Variants in CABP1 observed in about 807,000 individuals in gnomAD.
CABP1 encodes calcium-binding protein 1.
In CABP1, 17 loss-of-function variants were observed where a neutral mutation model predicts 34.3. The ratio of observed to expected loss-of-function variants is 0.50; its 90% CI spans 0.34 to 0.74. The LOEUF (loss-of-function observed/expected upper bound fraction) is 0.74. CABP1 is among the 30% of genes least tolerant of loss of function. CABP1 has a pLI of 0.01. For missense variants in CABP1, 373 were observed against 511.1 expected, an observed-to-expected ratio of 0.73 and a Z score of 2.61; for synonymous variants, 198 against 229.2, an observed-to-expected ratio of 0.86 and a Z score of 1.23.
At chr12:120,653,308 G>A (rs1387683794) in intron 1 of CABP1, among the ~76,000 whole-genome samples, 2 of 152,114 alleles carry the variant, frequency 1.3e-5, no homozygotes, top group Non-Finnish European at 2.9e-5. Flanking sequence ...CCACCATGCA[G>A]AGCACTTTAT....
the CABP1 span, among the ~76,000 whole-genome samples, chr12:120,677,298 G>A: frequency 2.0e-4 from 30 of 151,772 alleles, no homozygotes; most frequent in African/African-American, 7.2e-4. Context: ...ATGTTGACCA[G>A]GCTGGTCTTG....
Position 120,660,545 on chromosome 12 carries a change from G to C in CABP1, c.830-186G>C, listed in dbSNP as rs969083535. Among the ~76,000 whole-genome samples the C allele has an allele frequency of 2.0e-5, 3 of 152,156 alleles. No homozygotes were observed. The highest frequency in any genetic ancestry group is 1.3e-4 in the Admixed American group (2 of 15,280). On this transcript the variant is annotated intron_variant, in intron 3 of 5. Coordinates refer to ENST00000316803, the MANE Select transcript of CABP1 (RefSeq NM_001033677.2). This position sits in a 1 kb window ranked among gnomAD's most constrained non-coding sequence, Gnocchi z 5.0. ...GAGTGGAGCCCAGAAAGTAGATTAG[G>C]GAATATCTGTAAAACAGCCCAATAA... is the stretch of plus-strand genomic sequence containing the variant.
rs1881039494 is a variant in CABP1 at position 120,667,028 on chromosome 12, C to G, written c.*128C>G. On this transcript the variant is annotated 3_prime_UTR_variant, in exon 6 of 6. Coordinates refer to ENST00000316803, the MANE Select transcript of CABP1 (RefSeq NM_001033677.2). ...TGGCGGATGGGGCCTGCCTGCACCC[C>G]GGGGAGGCGCCCACCCCGGACCCCC... 4 of 1,163,002 alleles carry G rather than the reference C, an allele frequency of 3.4e-6. No homozygotes were observed. The highest frequency in any genetic ancestry group is 4.1e-5 in the Admixed American group (2 of 48,928). The allele number at this position is 1,163,002 out of a possible 1,614,324, so 72.0% of individuals were successfully genotyped here.
In CABP1 at chr12:120,667,107, G is replaced by T; in HGVS notation, c.*207G>T. 1.7e-6 allele frequency: 1 copy of T among 598,456 alleles called. No individual in the cohort carries two copies. The highest frequency in any genetic ancestry group is 2.9e-6 in the Non-Finnish European group (1 of 350,174). 37.1% of individuals were successfully genotyped at this position (598,456 alleles called of 1,614,324 possible). On this transcript the variant is annotated 3_prime_UTR_variant, in exon 6 of 6. Transcript: ENST00000316803. Reference sequence around the variant, plus strand: ...CTGCAACTGGAAAGCGGGGGCGCCCGCCGACGAGGAGGCCACCGTGCCAAG... The same window carrying T: ...CTGCAACTGGAAAGCGGGGGCGCCCTCCGACGAGGAGGCCACCGTGCCAAG...
intron 1 of CABP1, among the ~76,000 whole-genome samples, chr12:120,656,529 C>T (rs889980701): frequency 5.9e-5 from 9 of 152,088 alleles, no homozygotes; most frequent in Admixed American, 1.3e-4. Context: ...AGTGTGTTGG[C>T]GGATTGCCTC....
chr12:120,672,655 G>A, the CABP1 span, among the ~76,000 whole-genome samples: 1 of 149,114 alleles, frequency 6.7e-6, no homozygotes, highest in African/African-American at 2.5e-5. Context: ...AAAAAGTATC[G>A]TGTTTTAAAA....
At chr12:120,659,486 C>CT (rs1282949473) in intron 1 of CABP1, 11 of 174,218 alleles carry the variant, frequency 6.3e-5, no homozygotes, top group East Asian at 1.6e-4. Flanking sequence ...CTGACTCATT[C>CT]TTTTTTTGTT....
At chr12:120,655,819 G>C in intron 1 of CABP1, 7 of 1,241,844 alleles carry the variant, frequency 5.6e-6, no homozygotes, top group Non-Finnish European at 6.5e-6. Context: ...GTATGTGCCA[G>C]TGCGTGCGTG....
chr12:120,668,730 G>A (rs1261419907), downstream of CABP1, among the ~76,000 whole-genome samples: 2 of 152,222 alleles, frequency 1.3e-5, no homozygotes, highest in East Asian at 1.9e-4. Flanking sequence ...ATTGTAATTC[G>A]TTTCTATAAG....
At position 120,660,296 on chromosome 12, in the gene CABP1, C is replaced by G. The variant is rs564070934; in HGVS notation, c.786C>G (p.Thr262=). ...TGCGCACCATGGGCTACATGCCCAC[C>G]GAGATGGAGCTCATCGAACTGTCCC... is the stretch of plus-strand genomic sequence containing the variant. The part of the protein sequence containing the change: ...NCMRTMGYMP[T]EMELIELSQQ... Residue 262 remains threonine, a synonymous_variant, in exon 3 of 6, where the codon ACC becomes ACG. Coordinates refer to ENST00000316803, the MANE Select transcript of CABP1 (RefSeq NM_001033677.2). The surrounding 1 kb of genome is among the most constrained non-coding windows in gnomAD (Gnocchi z 5.0). The G allele has an allele frequency of 6.2e-7, 1 of 1,613,976 alleles. No individual in the cohort carries two copies. The highest frequency in any genetic ancestry group is 2.2e-5 in the East Asian group (1 of 44,886).
Position 120,660,732 on chromosome 12 carries a change from G to A in CABP1, c.831G>A (p.Leu277=), listed in dbSNP as rs202165204. 1 of 1,608,402 alleles carries A rather than the reference G, an allele frequency of 6.2e-7. No individual in the cohort carries two copies. The highest frequency in any genetic ancestry group is 1.3e-5 in the African/African-American group (1 of 74,876). Residue 277 remains leucine, a splice_region_variant and synonymous_variant, in exon 4 of 6, where the codon CTG becomes CTA. Coordinates refer to ENST00000316803, the MANE Select transcript of CABP1 (RefSeq NM_001033677.2). The surrounding 1 kb of genome is among the most constrained non-coding windows in gnomAD (Gnocchi z 5.0). The part of the protein sequence containing the change: ...IELSQQINMN[L]GGHVDFDDFV... ...CCTAGCCCTTTCCTCCTTTTCCAGT[G>A]GGTGGCCATGTAGATTTTGATGACT...
chr12:120,679,699 T>C, the CABP1 span, among the ~76,000 whole-genome samples: 8 of 151,968 alleles, frequency 5.3e-5, 1 homozygote, highest in South Asian at 2.1e-4. Flanking sequence ...TGGTGGCGCA[T>C]GCCTGTAATC....
chr12:120,664,719 CA>C (rs984251449), intron 5 of CABP1, among the ~76,000 whole-genome samples: 8 of 151,332 alleles, frequency 5.3e-5, no homozygotes, highest in African/African-American at 1.5e-4. Context: ...ATTAAAAATA[CA>C]AAAAAAATTA....
In CABP1 at chr12:120,666,973, C is replaced by A; in HGVS notation, c.*73C>A. The A allele has an allele frequency of 6.5e-7, 1 of 1,526,876 alleles. No homozygotes were observed. The highest frequency in any genetic ancestry group is 8.8e-7 in the Non-Finnish European group (1 of 1,133,408). The allele number at this position is 1,526,876 out of a possible 1,614,324, so 94.6% of individuals were successfully genotyped here. Reference sequence around the variant, plus strand: ...AAGAGGAGCTAGAGCTTGCCTCACCCGCTGTAGCCGCCGAGAGCCCAGGAT... The same window carrying A: ...AAGAGGAGCTAGAGCTTGCCTCACCAGCTGTAGCCGCCGAGAGCCCAGGAT... On this transcript the variant is annotated 3_prime_UTR_variant, in exon 6 of 6. Transcript: ENST00000316803.
chr12:120,650,777 T>A, intron 1 of CABP1: 8 of 1,296,426 alleles, frequency 6.2e-6, no homozygotes, highest in Non-Finnish European at 7.8e-6. Flanking sequence ...GGCTGGAGCT[T>A]GCTATCCTTC....
Position 120,661,330 on chromosome 12 carries a change from C to T in CABP1, c.1087+112C>T, listed in dbSNP as rs1003731391. On this transcript the variant is annotated intron_variant, in intron 5 of 5. Transcript: ENST00000316803. The surrounding 1 kb of genome is among the most constrained non-coding windows in gnomAD (Gnocchi z 5.1). ...CAATCCGCCCTAATTTTCCAACCCC[C>T]AGCCCTTTCATCCTCTTATCCCTCC... 3.2e-6 allele frequency: 4 copies of T among 1,259,474 alleles called. No individual in the cohort carries two copies. The highest frequency in any genetic ancestry group is 3.3e-6 in the Non-Finnish European group (3 of 919,030). The allele number at this position is 1,259,474 out of a possible 1,614,324, so 78.0% of individuals were successfully genotyped here.
At chr12:120,656,125 G>C (rs1307266045) in intron 1 of CABP1, 1 of 1,614,058 alleles carries the variant, frequency 6.2e-7, no homozygotes, top group African/African-American at 1.3e-5. Context: ...GCTACATGGT[G>C]GTGCAGACGA....
intron 1 of CABP1, among the ~76,000 whole-genome samples, chr12:120,653,690 C>T (rs1879990069): frequency 6.6e-6 from 1 of 152,174 alleles, no homozygotes; most frequent in Non-Finnish European, 1.5e-5. Flanking sequence ...CCCGCCACCA[C>T]ACGCGGCTAA....
In CABP1 at chr12:120,640,952, C is replaced by T; in HGVS notation, c.267C>T (p.Gly89=). ...GGGGCAGCCGGGCTCCCCGCCACGG[C>T]CCTGCCCGGGACCCGGGGCTGCCTA... ...ASGGSRAPRH[G]PARDPGLPSR... The change falls in exon 1 of 6, where the codon GGC becomes GGT. Residue 89 remains glycine, a synonymous_variant. Transcript: ENST00000316803. The surrounding 1 kb of genome is among the most constrained non-coding windows in gnomAD (Gnocchi z 6.2). 8.8e-7 allele frequency: 1 copy of T among 1,137,690 alleles called. No individual in the cohort carries two copies. Among genetic ancestry groups the T allele is most frequent in the Non-Finnish European group, 1.1e-6 (1 of 928,164 alleles). 70.5% of individuals were successfully genotyped at this position (1,137,690 alleles called of 1,614,324 possible). A position where few individuals can be genotyped will look rare whatever the true frequency, so the allele number is the denominator to read the frequency against.
Sources: allele counts gnomAD v4.1 joint callset (sites outside exome capture counted in the v4.1 genomes callset), GRCh38; gene constraint gnomAD v4.1.1; non-coding constraint Gnocchi (gnomAD v3.1); transcripts MANE v1.5; gene names NCBI Gene and HGNC (gene_info 2026-07-23, HGNC 2026-07-21).